The following DDX60L variants were observed in gnomAD, a reference collection of about 807,000 sequenced individuals.
DDX60L encodes probable ATP-dependent RNA helicase DDX60-like.
In DDX60L, 191 loss-of-function variants were observed where a neutral mutation model predicts 211.6. The observed-to-expected ratio is 0.90, with a 90% CI of 0.80 to 1.02. The LOEUF (loss-of-function observed/expected upper bound fraction) is 1.02. DDX60L is among the 50% of genes least tolerant of loss of function. The probability of loss-of-function intolerance (pLI) is 0.00; values close to 1 mark genes in which losing one functional copy is unlikely to be tolerated. For synonymous variants in DDX60L, 706 were observed against 694.1 expected (o/e 1.02, Z -0.27); for missense variants, 2,007 against 1,984.1 (o/e 1.01, Z -0.22).
chr4:168,439,167 A>G (rs1753475608), intron 10 of DDX60L, among the ~76,000 whole-genome samples: 2 of 152,188 alleles, frequency 1.3e-5, no homozygotes, highest in African/African-American at 2.4e-5. Context: ...GACAAGAGGT[A>G]GACTGAAATG....
intron 20 of DDX60L, among the ~76,000 whole-genome samples, chr4:168,416,111 T>C (rs1451073134): frequency 6.6e-6 from 1 of 152,204 alleles, no homozygotes; most frequent in Non-Finnish European, 1.5e-5. Flanking sequence ...CTGCTGTTAC[T>C]GCCATCGTCG....
In DDX60L at chr4:168,441,444, A is replaced by C; in HGVS notation, c.1187T>G (p.Leu396Arg). 1 of 1,612,534 alleles carries C rather than the reference A, an allele frequency of 6.2e-7. No individual in the cohort carries two copies. Among genetic ancestry groups the C allele is most frequent in the Non-Finnish European group, 8.5e-7 (1 of 1,179,254 alleles). Reference protein sequence around the residue: ...GDSIRRDYEDLWNVVSHLVKE... With the variant: ...GDSIRRDYEDRWNVVSHLVKE... ...AACCAGGTGTGACACAACATTCCAC[A>C]GGTCTTCATAATCCCTCCTAATGGA... The change falls in exon 10 of 38, where the codon CTG becomes CGG. Residue 396 changes from leucine to arginine, a missense_variant. By Grantham distance (102) the Leu-to-Arg change is moderately radical. Transcript: ENST00000682922.
intron 29 of DDX60L, among the ~76,000 whole-genome samples, chr4:168,390,709 T>C (rs1268315961): frequency 6.6e-6 from 1 of 151,956 alleles, no homozygotes; most frequent in Non-Finnish European, 1.5e-5. Context: ...ATATCACATA[T>C]AGGATGTCAT....
chr4:168,407,397 C>T (rs1342407394), intron 22 of DDX60L, among the ~76,000 whole-genome samples: 1 of 152,188 alleles, frequency 6.6e-6, no homozygotes, highest in East Asian at 1.9e-4. Flanking sequence ...AAGAACAAAT[C>T]CTGTCCTCAT....
intron 29 of DDX60L, among the ~76,000 whole-genome samples, chr4:168,386,979 T>C (rs1414943368): frequency 1.3e-5 from 2 of 152,214 alleles, no homozygotes; most frequent in Non-Finnish European, 2.9e-5. Flanking sequence ...TAGAGTAGAA[T>C]TAGCCATCAA....
At chr4:168,406,305 G>A (rs1747735878) in intron 23 of DDX60L, among the ~76,000 whole-genome samples, 1 of 152,088 alleles carries the variant, frequency 6.6e-6, no homozygotes, top group African/African-American at 2.4e-5. Flanking sequence ...ATGAAAAGAT[G>A]AAAACCAACA....
At chr4:168,460,091 A>G (rs562399377) in intron 5 of DDX60L, among the ~76,000 whole-genome samples, 1 of 152,332 alleles carries the variant, frequency 6.6e-6, no homozygotes, top group East Asian at 1.9e-4. Flanking sequence ...GATCTGCTAT[A>G]AAAAGTAAAA....
At chr4:168,391,177 G>A (rs1250360527) in intron 29 of DDX60L, among the ~76,000 whole-genome samples, 1 of 152,008 alleles carries the variant, frequency 6.6e-6, no homozygotes, top group Non-Finnish European at 1.5e-5. Flanking sequence ...AAAGGAAACA[G>A]CTAACGCAAG....
intron 12 of DDX60L, among the ~76,000 whole-genome samples, chr4:168,431,270 C>T (rs1486713640): frequency 1.3e-5 from 2 of 152,032 alleles, no homozygotes; most frequent in African/African-American, 4.8e-5. Flanking sequence ...TCACTTGAGA[C>T]CTAGGAACAC....
rs1745444031 is a variant in DDX60L, at chr4:168,394,592, A to G, written c.3683T>C (p.Val1228Ala). ...TTCTTTGCCGTGTCTTGTAAATCGCACTCGCGGTAATACCCTCTCCAAAGT... is the reference window on the plus strand; with the variant it reads ...TTCTTTGCCGTGTCTTGTAAATCGCGCTCGCGGTAATACCCTCTCCAAAGT... The part of the protein sequence containing the change: ...DSTLERVLPR[V>A]RFTRHGKELK... The change falls in exon 28 of 38, where the codon GTG (valine) becomes GCG (alanine). Residue 1228 changes from valine to alanine, a missense_variant. Transcript: ENST00000682922. The G allele has an allele frequency of 1.2e-6, 2 of 1,612,804 alleles. No individual in the cohort carries two copies. Among genetic ancestry groups the G allele is most frequent in the Middle Eastern group, 1.7e-4 (1 of 6,058 alleles).
At chr4:168,472,863 C>G in intron 1 of DDX60L, 54 bp from the exon 2 acceptor site, 1 of 695,980 alleles carries the variant, frequency 1.4e-6, no homozygotes, top group Non-Finnish European at 2.4e-6. Flanking sequence ...AAGAAATGGA[C>G]CCAAAAAATA....
intron 17 of DDX60L, among the ~76,000 whole-genome samples, chr4:168,421,273 T>C (rs1320142879): frequency 1.3e-5 from 2 of 152,232 alleles, no homozygotes; most frequent in Non-Finnish European, 1.5e-5. Flanking sequence ...ATCATTTTTA[T>C]ATTCATGATA....
intron 22 of DDX60L, among the ~76,000 whole-genome samples, chr4:168,412,522 G>C (rs1748858061): frequency 6.6e-6 from 1 of 152,006 alleles, no homozygotes; most frequent in Admixed American, 6.6e-5. Context: ...AAAAAAAAAG[G>C]GAAGAGTAGA....
intron 26 of DDX60L, among the ~76,000 whole-genome samples, chr4:168,398,653 G>A (rs899437782): frequency 1.3e-5 from 2 of 152,232 alleles, no homozygotes; most frequent in Admixed American, 1.3e-4. Flanking sequence ...GCCACCCATG[G>A]ACCAATCAGC....
chr4:168,456,120 T>C lies in DDX60L; in HGVS notation c.756A>G (p.Leu252=), dbSNP rs190048898. 1.1e-3 allele frequency: 1,725 copies of C among 1,592,890 alleles called. 1 individual carries two copies. The highest frequency in any genetic ancestry group is 1.4e-3 in the Non-Finnish European group (1,649 of 1,171,886). The part of the protein sequence containing the change: ...AYQTLFLLQH[L]WSEGSDIQRV... Reference sequence around the variant, plus strand: ...GCTGGATGTCCGATCCTTCTGACCATAGGTGCTGAAGCAGAAATAGAGTCT... The same window carrying C: ...GCTGGATGTCCGATCCTTCTGACCACAGGTGCTGAAGCAGAAATAGAGTCT... The change falls in exon 7 of 38, where the codon CTA becomes CTG. Residue 252 remains leucine (L), a synonymous_variant. Coordinates refer to ENST00000682922, the MANE Select transcript of DDX60L (RefSeq NM_001012967.3).
At chr4:168,422,976 TG>T (rs1750890701) in intron 15 of DDX60L, among the ~76,000 whole-genome samples, 1 of 148,192 alleles carries the variant, frequency 6.7e-6, no homozygotes, top group African/African-American at 2.6e-5. Context: ...ATATTGTGTG[TG>T]TGTGTGTGTG....
chr4:168,378,702 C>T (rs1365235122), intron 32 of DDX60L, among the ~76,000 whole-genome samples: 1 of 152,026 alleles, frequency 6.6e-6, no homozygotes, highest in Non-Finnish European at 1.5e-5. Flanking sequence ...TTGCTATACC[C>T]GCCCTAGTTC....
At chr4:168,467,860 C>T (rs1022295868) in intron 4 of DDX60L, among the ~76,000 whole-genome samples, 16 of 152,070 alleles carry the variant, frequency 1.1e-4, no homozygotes, top group East Asian at 3.9e-4. Flanking sequence ...CAAAACCAAA[C>T]GAAGGCATTA....
chr4:168,390,278 A>G, intron 29 of DDX60L: 1 of 1,103,112 alleles, frequency 9.1e-7, no homozygotes, highest in Non-Finnish European at 1.1e-6. Context: ...GAAGGAAACA[A>G]AAGTCCCTTA....
Sources: gnomAD v4.1 joint callset for allele counts (sites outside exome capture counted in the v4.1 genomes callset) on GRCh38, gnomAD v4.1.1 for gene constraint, MANE v1.5 for transcripts, NCBI Gene and HGNC (gene_info 2026-07-23, HGNC 2026-07-21) for gene names.